TBC1D5: variants seen among roughly 807,000 people sequenced by gnomAD.
TBC1D5 encodes TBC1 domain family member 5.
TBC1D5 carries 75 observed loss-of-function variants against 100.3 expected under a neutral mutation model. The ratio of observed to expected loss-of-function variants is 0.75; its 90% confidence interval spans 0.62 to 0.91. The LOEUF is 0.91. TBC1D5 is among the 40% of genes least tolerant of loss of function. TBC1D5 has a pLI of 0.00. For synonymous variants in TBC1D5, 323 were observed against 325.6 expected, an observed-to-expected ratio of 0.99 and a Z score of 0.09; for missense variants, 910 against 942.4, an observed-to-expected ratio of 0.97 and a Z score of 0.45.
At chr3:17,533,155 T>C (rs892603498) in intron 2 of TBC1D5, among the ~76,000 whole-genome samples, 2 of 152,062 alleles carry the variant, frequency 1.3e-5, no homozygotes, top group Non-Finnish European at 2.9e-5. Flanking sequence ...ATAACTTTCT[T>C]ATTTGGGAGT....
intron 15 of TBC1D5, among the ~76,000 whole-genome samples, chr3:17,286,366 A>G (rs2081190505): frequency 6.6e-6 from 1 of 152,176 alleles, no homozygotes; most frequent in African/African-American, 2.4e-5. Context: ...ATTTTCTATG[A>G]CTTTTGTTTC....
chr3:17,493,279 C>T lies in TBC1D5; in HGVS notation c.97+15195G>A, dbSNP rs187932836. On this transcript the variant is annotated intron_variant, in intron 3 of 21. Transcript: ENST00000253692. Reference sequence around the variant, plus strand: ...TTGAATATTGGCCTCCAATCTCTTCCGGCTTGTAGGATTTCCACTGAGAAA... The same window carrying T: ...TTGAATATTGGCCTCCAATCTCTTCTGGCTTGTAGGATTTCCACTGAGAAA... 5.9e-5 allele frequency among the ~76,000 whole-genome samples: 9 copies of T among 151,496 alleles called. 1 individual carries two copies. The South Asian group carries it at 1.7e-3, about 28-fold the overall frequency.
At chr3:17,566,727 A>G (rs1040497842) in intron 2 of TBC1D5, among the ~76,000 whole-genome samples, 7 of 151,880 alleles carry the variant, frequency 4.6e-5, no homozygotes, top group African/African-American at 1.7e-4. Flanking sequence ...GCATATATAC[A>G]TAAATAAAAT....
chr3:17,634,317 T>C (rs1258547682), intron 1 of TBC1D5, among the ~76,000 whole-genome samples: 1 of 152,154 alleles, frequency 6.6e-6, no homozygotes, highest in Non-Finnish European at 1.5e-5. Flanking sequence ...GATTTAGAAG[T>C]AACCTAAGTT....
At chr3:17,567,951 A>C (rs1309205884) in intron 2 of TBC1D5, among the ~76,000 whole-genome samples, 2 of 151,670 alleles carry the variant, frequency 1.3e-5, no homozygotes, top group Non-Finnish European at 3.0e-5. Flanking sequence ...AGGCTACACA[A>C]AACTAATTAA....
chr3:17,526,000 C>T (rs2096129897), intron 2 of TBC1D5, among the ~76,000 whole-genome samples: 1 of 152,054 alleles, frequency 6.6e-6, no homozygotes, highest in Non-Finnish European at 1.5e-5. Flanking sequence ...AACTTCTTTT[C>T]ATTCAGTTTT....
intron 19 of TBC1D5, among the ~76,000 whole-genome samples, chr3:17,179,025 G>A (rs2068133234): frequency 6.6e-6 from 1 of 151,688 alleles, no homozygotes; most frequent in African/African-American, 2.4e-5. Flanking sequence ...ACAGCACACT[G>A]CACCCTCGAA....
At chr3:17,367,813 T>G (rs1383108870) in intron 13 of TBC1D5, among the ~76,000 whole-genome samples, 2 of 151,478 alleles carry the variant, frequency 1.3e-5, no homozygotes, top group Admixed American at 1.3e-4. Flanking sequence ...GAGCCAAGAT[T>G]GCACCACTGC....
intron 1 of TBC1D5, among the ~76,000 whole-genome samples, chr3:17,717,825 G>A (rs1421676767): frequency 1.3e-5 from 2 of 152,166 alleles, no homozygotes; most frequent in East Asian, 1.9e-4. Flanking sequence ...ACATTTAACT[G>A]AAACAAAATT....
intron 15 of TBC1D5, among the ~76,000 whole-genome samples, chr3:17,263,763 A>G (rs2078581590): frequency 6.6e-6 from 1 of 152,244 alleles, no homozygotes; most frequent in Non-Finnish European, 1.5e-5. Context: ...AACAATATGC[A>G]AATAACAAAT....
intron 3 of TBC1D5, among the ~76,000 whole-genome samples, chr3:17,450,596 A>C (rs1392807054): frequency 6.6e-6 from 1 of 152,212 alleles, no homozygotes; most frequent in Non-Finnish European, 1.5e-5. Context: ...ATACACAAGT[A>C]TCAACAGCAG....
intron 3 of TBC1D5, among the ~76,000 whole-genome samples, chr3:17,485,086 T>A (rs1407486298): frequency 6.6e-6 from 1 of 152,116 alleles, no homozygotes; most frequent in Non-Finnish European, 1.5e-5. Flanking sequence ...CTATTATGCA[T>A]ACAACTGTCT....
At chr3:17,202,960 G>T (rs933790009) in intron 18 of TBC1D5, among the ~76,000 whole-genome samples, 1 of 152,210 alleles carries the variant, frequency 6.6e-6, no homozygotes, top group African/African-American at 2.4e-5. Context: ...TCTCCGCTGG[G>T]GCACTGCCTA....
chr3:17,308,095 C>A (rs779402500), exon 14 of TBC1D5: 6 of 1,605,780 alleles, frequency 3.7e-6, no homozygotes, highest in Non-Finnish European at 5.1e-6. Context: ...GAAGGTCCTG[C>A]AGGGGGAACT....
chr3:17,462,981 T>C (rs2095242296), intron 3 of TBC1D5, among the ~76,000 whole-genome samples: 1 of 152,180 alleles, frequency 6.6e-6, no homozygotes, highest in African/African-American at 2.4e-5. Flanking sequence ...GTCCACTATG[T>C]CAGAAAGCAA....
At position 17,461,178 on chromosome 3, in the gene TBC1D5, A is replaced by G. The variant is rs181685241; in HGVS notation, c.98-32659T>C. 2.8e-3 allele frequency among the ~76,000 whole-genome samples: 426 copies of G among 152,286 alleles called. 2 individuals carry two copies. Among genetic ancestry groups the G allele is most frequent in the Non-Finnish European group, 4.8e-3 (325 of 68,012 alleles). On this transcript the variant is annotated intron_variant, in intron 3 of 21. Transcript: ENST00000253692. ...AATTAGGTAGTTTATGGTACGTATT[A>G]CTCTCAGGTATGTTAATATGAATGC...
At chr3:17,432,562 G>T (rs1447979154) in intron 3 of TBC1D5, among the ~76,000 whole-genome samples, 1 of 152,072 alleles carries the variant, frequency 6.6e-6, no homozygotes, top group Non-Finnish European at 1.5e-5. Flanking sequence ...AGAAAAAAAT[G>T]TGTCAATTTT....
intron 15 of TBC1D5, among the ~76,000 whole-genome samples, chr3:17,275,479 G>T (rs1159769443): frequency 5.9e-5 from 9 of 152,066 alleles, no homozygotes; most frequent in Non-Finnish European, 1.3e-4. Context: ...ATTCAAGGTT[G>T]CCCTGAACTA....
intron 3 of TBC1D5, among the ~76,000 whole-genome samples, chr3:17,480,057 G>T (rs898188067): frequency 6.6e-6 from 1 of 152,204 alleles, no homozygotes; most frequent in Admixed American, 6.5e-5. Context: ...TCCGCTCTCT[G>T]GAGTGAAGCA....
Sources: allele counts gnomAD v4.1 joint callset (sites outside exome capture counted in the v4.1 genomes callset), GRCh38; gene constraint gnomAD v4.1.1; transcripts MANE v1.5; gene names NCBI Gene and HGNC (gene_info 2026-07-23, HGNC 2026-07-21).